The following PXK variants were observed in gnomAD, a reference collection of about 807,000 sequenced individuals.
PXK encodes PX domain containing serine/threonine kinase like.
PXK carries 35 observed loss-of-function variants against 84.7 expected under a neutral mutation model. That is an observed-to-expected ratio of 0.41 (90% confidence interval 0.32 to 0.55). The LOEUF is 0.55. PXK is among the 20% of genes least tolerant of loss of function. The pLI is 0.21. For synonymous variants in PXK, 253 were observed against 260.8 expected (o/e 0.97, Z 0.29); for missense variants, 634 against 699.7 (o/e 0.91, Z 1.06).
At chr3:58,344,193 C>A (rs956503675) in intron 1 of PXK, among the ~76,000 whole-genome samples, 1 of 152,214 alleles carries the variant, frequency 6.6e-6, no homozygotes, top group African/African-American at 2.4e-5. Flanking sequence ...GTATTCAGAA[C>A]AAAGCCCAGC....
chr3:58,391,502 C>CA (rs1246214735), intron 6 of PXK, among the ~76,000 whole-genome samples: 1 of 30,858 alleles, frequency 3.2e-5, no homozygotes, highest in African/African-American at 1.5e-4. Flanking sequence ...GAGTTTACTT[C>CA]CCAAAAAAAA....
chr3:58,376,739 A>G (rs1274204298), intron 3 of PXK, among the ~76,000 whole-genome samples: 1 of 152,052 alleles, frequency 6.6e-6, no homozygotes, highest in Non-Finnish European at 1.5e-5. Flanking sequence ...TCCTGGGTTC[A>G]AGCGATTCTT....
intron 17 of PXK, among the ~76,000 whole-genome samples, chr3:58,420,347 A>C (rs1178618949): frequency 6.6e-6 from 1 of 152,266 alleles, no homozygotes; most frequent in African/African-American, 2.4e-5. Flanking sequence ...CCATGTTTTA[A>C]AAGGCTCACA....
At chr3:58,378,506 TTTTTTTTGTGTGTGTGTGTGTGTG>T (rs1365421529) in intron 3 of PXK, among the ~76,000 whole-genome samples, 16 of 66,452 alleles carry the variant, frequency 2.4e-4, no homozygotes, top group Non-Finnish European at 3.7e-4. Context: ...TTTTTTTTTT[TTTTTTTTGTGTGTGTGTGTGTGTG>T]TGTGTGTGTG....
rs139402883 is a variant in PXK at position 58,392,848 on chromosome 3, G to C, written c.615+1001G>C. Among the ~76,000 whole-genome samples the C allele has an allele frequency of 5.7e-3, 864 of 151,898 alleles. 8 individuals are homozygous for C. The highest frequency in any genetic ancestry group is 0.019 in the African/African-American group (803 of 41,416). On this transcript the variant is annotated intron_variant, in intron 7 of 17. Coordinates refer to ENST00000356151, the MANE Select transcript of PXK (RefSeq NM_017771.5). ...AGCTAATTTTTGTATTTTTAGTAGA[G>C]ATGGGGTTTCACCATGTTGGCCGGG...
chr3:58,415,911 G>T (rs1240937046), intron 17 of PXK, among the ~76,000 whole-genome samples: 1 of 152,194 alleles, frequency 6.6e-6, no homozygotes, highest in African/African-American at 2.4e-5. Context: ...GGGACATCTT[G>T]GGGGTAGGGG....
intron 13 of PXK, among the ~76,000 whole-genome samples, chr3:58,408,525 CTTTT>C (rs10587686): frequency 0.24 from 34,024 of 142,988 alleles, 5,674 homozygotes; most frequent in East Asian, 0.8. Flanking sequence ...CCAAATGACT[CTTTT>C]TTTTTTTTTT....
intron 1 of PXK, among the ~76,000 whole-genome samples, chr3:58,354,772 A>G (rs930316990): frequency 6.6e-6 from 1 of 152,062 alleles, no homozygotes; most frequent in African/African-American, 2.4e-5. Context: ...GGTTTAGAAC[A>G]ATGGTTCTCA....
chr3:58,399,330 A>G lies in PXK; in HGVS notation c.1134A>G (p.Glu378=). The G allele has an allele frequency of 6.2e-7, 1 of 1,614,172 alleles. No homozygotes were observed. The highest frequency in any genetic ancestry group is 8.5e-7 in the Non-Finnish European group (1 of 1,180,012). ...TGTTGGAGTCTACGCTGTCTTGTGAAGCCTGTAAAAATGGCATGCCTACCA... is the reference window on the plus strand; with the variant it reads ...TGTTGGAGTCTACGCTGTCTTGTGAGGCCTGTAAAAATGGCATGCCTACCA... ...VAVLESTLSC[E]ACKNGMPTIS... is the part of the protein sequence containing the mutation. Residue 378 remains glutamate (E), a synonymous_variant, in exon 12 of 18, where the codon GAA becomes GAG. Coordinates refer to ENST00000356151, the MANE Select transcript of PXK (RefSeq NM_017771.5). The surrounding 1 kb of genome is among the most constrained non-coding windows in gnomAD (Gnocchi z 4.3).
rs910451961 is a variant in PXK at position 58,383,167 on chromosome 3, C to T, written c.388+467C>T. On this transcript the variant is annotated intron_variant, in intron 4 of 17. Coordinates refer to ENST00000356151, the MANE Select transcript of PXK (RefSeq NM_017771.5). This position sits in a 1 kb window ranked among gnomAD's most constrained non-coding sequence, Gnocchi z 4.0. The stretch of plus-strand genomic sequence containing the variant: ...ATTAGCCAGGCATAGTGGCACATGC[C>T]TGTAATCCTAGCTACTCGGGAGGCT... 1.8e-4 allele frequency among the ~76,000 whole-genome samples: 27 copies of T among 152,154 alleles called. No homozygotes were observed. Among genetic ancestry groups the T allele is most frequent in the African/African-American group, 6.0e-4 (25 of 41,424 alleles).
In PXK at chr3:58,364,644, G is replaced by A. The variant is rs564748397; in HGVS notation, c.103-1230G>A. On this transcript the variant is annotated intron_variant, in intron 1 of 17. Coordinates refer to ENST00000356151, the MANE Select transcript of PXK (RefSeq NM_017771.5). This position sits in a 1 kb window ranked among gnomAD's most constrained non-coding sequence, Gnocchi z 4.3. ...GGAGAATTGCTTGAACCCAGGAGGC[G>A]GAAGTGGCAGTGAGCTGAGATCGTG... is the stretch of plus-strand genomic sequence containing the variant. Among the ~76,000 whole-genome samples the A allele has an allele frequency of 3.9e-5, 6 of 152,140 alleles. No homozygotes were observed. The highest frequency in any genetic ancestry group is 4.1e-4 in the South Asian group (2 of 4,824).
intron 1 of PXK, among the ~76,000 whole-genome samples, chr3:58,347,895 G>A (rs2097850989): frequency 6.6e-6 from 1 of 152,042 alleles, no homozygotes; most frequent in Admixed American, 6.6e-5. Flanking sequence ...AAGATTGAAG[G>A]TTTCTATGAG....
intron 4 of PXK, among the ~76,000 whole-genome samples, chr3:58,387,575 A>G (rs1477396518): frequency 6.6e-6 from 1 of 152,098 alleles, no homozygotes; most frequent in Non-Finnish European, 1.5e-5. Context: ...GCTTCCCAGA[A>G]GAGTTCATTC....
intron 1 of PXK, among the ~76,000 whole-genome samples, chr3:58,335,018 GGTGTGTGTGTGTGTGTGT>G (rs375780661): frequency 2.3e-4 from 24 of 106,564 alleles, no homozygotes; most frequent in African/African-American, 7.0e-4. Context: ...TGTCCAGGCT[GGTGTGTGTGTGTGTGTGT>G]GTGTGTGTGT....
intron 3 of PXK, among the ~76,000 whole-genome samples, chr3:58,375,051 A>G (rs952787715): frequency 2.6e-5 from 4 of 152,216 alleles, no homozygotes; most frequent in African/African-American, 9.7e-5. Context: ...AAAAAAGTGA[A>G]ATGAAGCTTG....
chr3:58,351,505 C>T (rs2097924774), intron 1 of PXK, among the ~76,000 whole-genome samples: 1 of 151,932 alleles, frequency 6.6e-6, no homozygotes, highest in African/African-American at 2.4e-5. Context: ...ATGCAATCCA[C>T]CTGCCTCATC....
chr3:58,335,533 G>A (rs994249493), intron 1 of PXK, among the ~76,000 whole-genome samples: 1 of 148,702 alleles, frequency 6.7e-6, no homozygotes, highest in African/African-American at 2.6e-5. Flanking sequence ...AGAAGAGAAA[G>A]GCACTGTTTT....
rs1475863305 is a variant in PXK, at chr3:58,409,168, C to G, written c.1308+167C>G. Among the ~76,000 whole-genome samples the G allele has an allele frequency of 6.6e-6, 1 of 152,182 alleles. No individual in the cohort carries two copies. On this transcript the variant is annotated intron_variant, in intron 14 of 17. Coordinates refer to ENST00000356151, the MANE Select transcript of PXK (RefSeq NM_017771.5). The surrounding 1 kb of genome is among the most constrained non-coding windows in gnomAD (Gnocchi z 4.2). Reference sequence around the variant, plus strand: ...CTGCAGAGCTGAATACTTGACAGTCCTGCCCTCAGTCCTGCCTAGTCTATG... The same window carrying G: ...CTGCAGAGCTGAATACTTGACAGTCGTGCCCTCAGTCCTGCCTAGTCTATG...
Position 58,409,903 on chromosome 3 carries a change from G to GT in PXK, c.1396-183dup, listed in dbSNP as rs1287422264. On this transcript the variant is annotated intron_variant, in intron 15 of 17. Transcript: ENST00000356151. The surrounding 1 kb of genome is among the most constrained non-coding windows in gnomAD (Gnocchi z 4.2). ...TGAGATAGTAAAGTCAGCATTTTTT[G>GT]TTTTATTTCTGCCTTTAGTTTTGGC... 6.6e-6 allele frequency among the ~76,000 whole-genome samples: 1 copy of GT among 152,122 alleles called. No homozygotes were observed. The highest frequency in any genetic ancestry group is 1.5e-5 in the Non-Finnish European group (1 of 68,004).
Sources: allele counts gnomAD v4.1 joint callset (sites outside exome capture counted in the v4.1 genomes callset), GRCh38; gene constraint gnomAD v4.1.1; non-coding constraint Gnocchi (gnomAD v3.1); transcripts MANE v1.5; gene names NCBI Gene and HGNC (gene_info 2026-07-23, HGNC 2026-07-21).